The following TMEM229B variants were observed in gnomAD, a reference collection of about 807,000 sequenced individuals.
TMEM229B encodes the protein chromosome 14 open reading frame 83.
A neutral mutation model predicts 13.7 loss-of-function variants in TMEM229B; 6 were observed. That is an observed-to-expected ratio of 0.44 (90% confidence interval 0.24 to 0.86). TMEM229B has a LOEUF of 0.86. Among genes scored for constraint, TMEM229B ranks in the 40% least tolerant of loss-of-function variants. TMEM229B has a pLI of 0.23. For synonymous variants in TMEM229B, 107 were observed against 102.1 expected, an observed-to-expected ratio of 1.05 and a Z score of -0.29; for missense variants, 170 against 236.0, an observed-to-expected ratio of 0.72 and a Z score of 1.83.
chr14:67,516,768 G>A (rs7160944), upstream of TMEM229B, among the ~76,000 whole-genome samples: 63,676 of 151,776 alleles, frequency 0.42, 13,830 homozygotes, highest in East Asian at 0.48. Context: ...CATGTATATC[G>A]TGTTCCTGGG....
rs1267371881 is a variant in TMEM229B at position 67,470,350 on chromosome 14, C to G, written c.*3070G>C. The stretch of plus-strand genomic sequence containing the variant: ...GGGACCAACGGAGACACAGAGCAGG[C>G]AATGGGCGCACAAACCGGTCGTGTG... On this transcript the variant is annotated 3_prime_UTR_variant, in exon 3 of 3. Coordinates refer to ENST00000554480, the MANE Select transcript of TMEM229B (RefSeq NM_001348543.2). The G allele has an allele frequency of 6.6e-6, 1 of 152,356 alleles. No individual in the cohort carries two copies. Among genetic ancestry groups the G allele is most frequent in the East Asian group, 1.9e-4 (1 of 5,200 alleles). 9.4% of individuals were successfully genotyped at this position (152,356 alleles called of 1,614,324 possible). A position where few individuals can be genotyped will look rare whatever the true frequency, so the allele number is the denominator to read the frequency against.
intron 1 of TMEM229B, among the ~76,000 whole-genome samples, chr14:67,527,438 CA>C (rs922164250): frequency 1.3e-5 from 2 of 150,430 alleles, no homozygotes; most frequent in African/African-American, 2.4e-5. Flanking sequence ...AACTCCATCT[CA>C]AAAAAAAAGA....
intron 1 of TMEM229B, among the ~76,000 whole-genome samples, chr14:67,496,390 C>T (rs1419579852): frequency 1.2e-3 from 33 of 27,630 alleles, no homozygotes; most frequent in African/African-American, 2.7e-3. Context: ...ACTGCTCCGG[C>T]GTTTTTTTTT....
rs761111879 is a variant in TMEM229B, at chr14:67,473,716, G to A, written c.208C>T (p.Arg70Cys). Residue 70 changes from arginine (R) to cysteine (C), a missense_variant, in exon 3 of 3, where the codon CGC becomes TGC. Around this residue, in one of 4 missense-constraint regions of TMEM229B, gnomAD observed 57 missense variants for 66.7 expected, o/e 0.85. Transcript: ENST00000554480. The surrounding 1 kb of genome is among the most constrained non-coding windows in gnomAD (Gnocchi z 6.5). The stretch of plus-strand genomic sequence containing the variant: ...AGGCAGCGCAGGAGCAGCGGGCAGC[G>A]GCCGCGCAGCCGCAGGTACATGCGC... ...VERMYLRLRG[R>C]CPLLLRCLIY... 1.0e-5 allele frequency: 16 copies of A among 1,603,664 alleles called. No individual in the cohort carries two copies. The highest frequency in any genetic ancestry group is 9.0e-5 in the East Asian group (4 of 44,366).
At chr14:67,497,355 G>A (rs938895629) in intron 1 of TMEM229B, among the ~76,000 whole-genome samples, 5 of 152,086 alleles carry the variant, frequency 3.3e-5, no homozygotes, top group Non-Finnish European at 7.4e-5. Context: ...TACAAATACC[G>A]AGACACTGTA....
intron 1 of TMEM229B, among the ~76,000 whole-genome samples, chr14:67,500,593 A>C (rs1178451137): frequency 7.1e-6 from 1 of 140,478 alleles, no homozygotes; most frequent in Admixed American, 7.2e-5. Context: ...TTTTTTTGAG[A>C]TGGAGTCTCG....
chr14:67,524,232 T>C (rs2033333619), intron 1 of TMEM229B, among the ~76,000 whole-genome samples: 1 of 152,178 alleles, frequency 6.6e-6, no homozygotes, highest in South Asian at 2.1e-4. Context: ...GGATTACAGA[T>C]GCATGCCACC....
chr14:67,510,043 CAGAT>C (rs1198056727), intron 1 of TMEM229B, among the ~76,000 whole-genome samples: 2 of 151,954 alleles, frequency 1.3e-5, no homozygotes, highest in South Asian at 2.1e-4. Flanking sequence ...AAAAAAGAAT[CAGAT>C]AGATCTCAAT....
chr14:67,515,458 G>A, upstream of TMEM229B: 1 of 171,948 alleles, frequency 5.8e-6, no homozygotes, highest in Non-Finnish European at 1.2e-5. Context: ...TAGTACGGAT[G>A]CGCTGCAAAC....
At chr14:67,529,701 C>T (rs2033417926) in intron 1 of TMEM229B, among the ~76,000 whole-genome samples, 1 of 152,206 alleles carries the variant, frequency 6.6e-6, no homozygotes, top group African/African-American at 2.4e-5. Context: ...CCCATGGTTA[C>T]CTCACCTCTC....
At chr14:67,484,448 T>A (rs1168010320) in intron 2 of TMEM229B, among the ~76,000 whole-genome samples, 2 of 152,194 alleles carry the variant, frequency 1.3e-5, no homozygotes, top group East Asian at 3.9e-4. Flanking sequence ...TAGCATTTAA[T>A]TTTTTTTCTA....
upstream of TMEM229B, among the ~76,000 whole-genome samples, chr14:67,489,115 C>T (rs948840739): frequency 2.6e-5 from 4 of 152,192 alleles, no homozygotes; most frequent in Admixed American, 6.5e-5. Context: ...CTTATAGCAA[C>T]TAACATATGG....
chr14:67,527,522 AT>A, intron 1 of TMEM229B, among the ~76,000 whole-genome samples: 1 of 152,264 alleles, frequency 6.6e-6, no homozygotes. Context: ...AAATGTTTCG[AT>A]TTTTAATTAG....
At chr14:67,509,858 A>C (rs193283827) in intron 1 of TMEM229B, among the ~76,000 whole-genome samples, 2 of 152,122 alleles carry the variant, frequency 1.3e-5, no homozygotes, top group Non-Finnish European at 2.9e-5. Context: ...CCATATAAAC[A>C]ATTTTAAAAG....
In TMEM229B at chr14:67,473,702, G is replaced by A. The variant is rs772699046; in HGVS notation, c.222C>T (p.Leu74=). 1 of 1,594,950 alleles carries A rather than the reference G, an allele frequency of 6.3e-7. No individual in the cohort carries two copies. Residue 74 remains leucine (L), a synonymous_variant, in exon 3 of 3, where the codon CTC becomes CTT. Coordinates refer to ENST00000554480, the MANE Select transcript of TMEM229B (RefSeq NM_001348543.2). This position sits in a 1 kb window ranked among gnomAD's most constrained non-coding sequence, Gnocchi z 6.5. ...AGAGCGTGTAGATGAGGCAGCGCAG[G>A]AGCAGCGGGCAGCGGCCGCGCAGCC... The part of the protein sequence containing the change: ...YLRLRGRCPL[L]LRCLIYTLWT...
At chr14:67,481,801 T>C (rs112271431) in intron 2 of TMEM229B, among the ~76,000 whole-genome samples, 131 of 152,284 alleles carry the variant, frequency 8.6e-4, no homozygotes, top group African/African-American at 3.1e-3. Flanking sequence ...TGCTCAGCCC[T>C]GGGATCAGAG....
chr14:67,473,035 G>T lies in TMEM229B; in HGVS notation c.*385C>A. 1 of 226,648 alleles carries T rather than the reference G, an allele frequency of 4.4e-6. No individual in the cohort carries two copies. Among genetic ancestry groups the T allele is most frequent in the Non-Finnish European group, 8.8e-6 (1 of 113,892 alleles). The allele number at this position is 226,648 out of a possible 1,614,324, so 14.0% of individuals were successfully genotyped here. ...GCCAAAGCTCAACTAAATCCAGATC[G>T]GAGGGAGGGAGGTCAGGCCTTGCCT... On this transcript the variant is annotated 3_prime_UTR_variant, in exon 3 of 3. Coordinates refer to ENST00000554480, the MANE Select transcript of TMEM229B (RefSeq NM_001348543.2). The surrounding 1 kb of genome is among the most constrained non-coding windows in gnomAD (Gnocchi z 6.5).
At chr14:67,500,778 A>G (rs1022114952) in intron 1 of TMEM229B, among the ~76,000 whole-genome samples, 3 of 151,712 alleles carry the variant, frequency 2.0e-5, no homozygotes, top group African/African-American at 7.3e-5. Context: ...TCACCGTGTT[A>G]GCCAGGATGG....
chr14:67,489,307 C>T (rs1351386310), upstream of TMEM229B, among the ~76,000 whole-genome samples: 3 of 152,212 alleles, frequency 2.0e-5, no homozygotes, highest in African/African-American at 7.2e-5. Context: ...TGTCCCCATA[C>T]AATGTGCCTT....
Sources: allele counts gnomAD v4.1 joint callset (sites outside exome capture counted in the v4.1 genomes callset), GRCh38; gene constraint gnomAD v4.1.1; regional missense constraint gnomAD v4.1.1; non-coding constraint Gnocchi (gnomAD v3.1); transcripts MANE v1.5; gene names NCBI Gene and HGNC (gene_info 2026-07-23, HGNC 2026-07-21).